The following BPTF variants were observed in gnomAD, a reference collection of about 807,000 sequenced individuals.
The protein encoded by BPTF is nucleosome-remodeling factor subunit BPTF.
BPTF carries 18 observed loss-of-function variants against 292.5 expected under a neutral mutation model. That is an observed-to-expected ratio of 0.06 (90% CI 0.04 to 0.09). The LOEUF is 0.09. Among genes scored for constraint, BPTF ranks in the 10% least tolerant of loss-of-function variants. The pLI, the probability that BPTF is intolerant of heterozygous loss-of-function variation, is 1.00. For synonymous variants in BPTF, 1,225 were observed against 1,251.9 expected, an observed-to-expected ratio of 0.98 and a Z score of 0.45; for missense variants, 2,726 against 3,498.7, an observed-to-expected ratio of 0.78 and a Z score of 5.57.
chr17:67,981,588 C>T (rs1342060275), intron 27 of BPTF: 16 of 1,044,694 alleles, frequency 1.5e-5, no homozygotes, highest in Non-Finnish European at 1.7e-5. Context: ...AAAGATGTAT[C>T]GTGGTAAAAA....
chr17:67,866,437 A>C, intron 2 of BPTF, 27 bp from the exon 3 acceptor site: 1 of 1,517,782 alleles, frequency 6.6e-7, no homozygotes, highest in Non-Finnish European at 9.1e-7. Context: ...TCTAACATAT[A>C]AAGTATTTCC....
intron 11 of BPTF, among the ~76,000 whole-genome samples, 158 bp downstream of exon 11, chr17:67,913,345 A>C (rs2062773708): frequency 4.2e-4 from 2 of 4,762 alleles, no homozygotes; most frequent in South Asian, 0.02. Flanking sequence ...AAAGCTTCAA[A>C]ATTGGCCAAC....
At position 67,940,597 on chromosome 17, in the gene BPTF, C is replaced by T. The variant is rs2065286539; in HGVS notation, c.6418C>T (p.Pro2140Ser). The change falls in exon 19 of 28, where the codon CCC becomes TCC. Residue 2140 changes from proline (P) to serine (S), a missense_variant. Around this residue, in one of 22 missense-constraint regions of BPTF, gnomAD observed 570 missense variants for 633.5 expected, o/e 0.90. Coordinates refer to ENST00000306378, the MANE Select transcript of BPTF (RefSeq NM_182641.4). ...GTCTTCAGCCTCACAACCCCCTCGCCCCCAACAAGGACAAGTGAAGCTCAC... is the reference window on the plus strand; with the variant it reads ...GTCTTCAGCCTCACAACCCCCTCGCTCCCAACAAGGACAAGTGAAGCTCAC... ...IQSSASQPPRPQQGQVKLTMA... is the reference protein window; with the variant it reads ...IQSSASQPPRSQQGQVKLTMA... 2 of 1,614,020 alleles carry T rather than the reference C, an allele frequency of 1.2e-6. No individual in the cohort carries two copies. The highest frequency in any genetic ancestry group is 2.7e-5 in the African/African-American group (2 of 74,898).
intron 1 of BPTF, among the ~76,000 whole-genome samples, chr17:67,831,017 C>G (rs1259837740): frequency 6.6e-6 from 1 of 152,328 alleles, no homozygotes; most frequent in African/African-American, 2.4e-5. Context: ...GCCTGAAGCT[C>G]TCTCTCTTTC....
intron 16 of BPTF, chr17:67,928,903 C>G (rs1598729432): frequency 8.4e-7 from 1 of 1,186,018 alleles, no homozygotes. Flanking sequence ...CTAGAAGTCA[C>G]TACGTTGCTG....
At chr17:67,948,000 T>C in intron 22 of BPTF, 81 bp from the exon 23 acceptor site, 1 of 1,414,006 alleles carries the variant, frequency 7.1e-7, no homozygotes, top group Non-Finnish European at 9.8e-7. Context: ...TTGTCTCATC[T>C]GTAGAGGCAT....
In BPTF at chr17:67,913,999, T is replaced by C. The variant is rs183419216; in HGVS notation, c.5303+812T>C. ...CCTTGCTTTCTCCTTTTTCATGTCCTTGTCTTTATCTTTTCACCCCTGTAA... is the reference window on the plus strand; with the variant it reads ...CCTTGCTTTCTCCTTTTTCATGTCCCTGTCTTTATCTTTTCACCCCTGTAA... On this transcript the variant is annotated intron_variant, in intron 11 of 27. Coordinates refer to ENST00000306378, the MANE Select transcript of BPTF (RefSeq NM_182641.4). Among the ~76,000 whole-genome samples the C allele has an allele frequency of 6.6e-5, 10 of 152,332 alleles. No homozygotes were observed. In the South Asian group the frequency reaches 1.9e-3, roughly 28 times the overall value.
chr17:67,978,373 G>A lies in BPTF; in HGVS notation c.8726+2415G>A, dbSNP rs1321051178. ...GAGTTCAGTGGCACAATCTCGGCTC[G>A]CTGCAACATCTGCCTCCTGGGTTCA... On this transcript the variant is annotated intron_variant, in intron 27 of 27. Transcript: ENST00000306378. Among the ~76,000 whole-genome samples, 8 of 149,748 alleles carry A rather than the reference G, an allele frequency of 5.3e-5. No homozygotes were observed. In the East Asian group the frequency reaches 1.4e-3, roughly 26 times the overall value.
chr17:67,929,223 A>T (rs147119383), intron 16 of BPTF, 113 bp from the exon 17 acceptor site: 2 of 1,496,206 alleles, frequency 1.3e-6, no homozygotes, highest in Admixed American at 2.3e-5. Flanking sequence ...CTCACATTCT[A>T]TGTAGCCCAC....
At position 67,949,115 on chromosome 17, in the gene BPTF, C is replaced by T. The variant is rs143493135; in HGVS notation, c.7926+809C>T. ...CTGTGGTGGTTCATGCCCATAATCC[C>T]AACACTTTGGGAAGCCAAGGTAGGC... is the stretch of plus-strand genomic sequence containing the variant. On this transcript the variant is annotated intron_variant, in intron 23 of 27. Coordinates refer to ENST00000306378, the MANE Select transcript of BPTF (RefSeq NM_182641.4). Among the ~76,000 whole-genome samples the T allele has an allele frequency of 2.2e-4, 33 of 152,272 alleles. 1 individual carries two copies. The East Asian group carries it at 5.6e-3, about 26-fold the overall frequency.
At chr17:67,879,774 G>A (rs1483352377) in intron 4 of BPTF, among the ~76,000 whole-genome samples, 3 of 152,076 alleles carry the variant, frequency 2.0e-5, no homozygotes, top group Admixed American at 2.0e-4. Context: ...GGCGGGGGTG[G>A]CAGATGACAG....
chr17:67,899,118 A>G (rs1178067248), intron 7 of BPTF, among the ~76,000 whole-genome samples: 1 of 152,150 alleles, frequency 6.6e-6, no homozygotes, highest in Non-Finnish European at 1.5e-5. Context: ...ACAGACCCAC[A>G]GGGACAAGAG....
intron 1 of BPTF, among the ~76,000 whole-genome samples, chr17:67,840,242 T>C (rs2057443706): frequency 6.6e-6 from 1 of 151,866 alleles, no homozygotes; most frequent in African/African-American, 2.4e-5. Flanking sequence ...GTAGCTGGGA[T>C]TTCAAGTGCG....
At chr17:67,857,401 C>G (rs12450072) in intron 2 of BPTF, among the ~76,000 whole-genome samples, 30,770 of 151,060 alleles carry the variant, frequency 0.2, 3,926 homozygotes, top group East Asian at 0.66. Context: ...ACCTTGTGAT[C>G]TGTCTGCCTC....
chr17:67,872,145 C>G (rs994871523), intron 3 of BPTF, among the ~76,000 whole-genome samples: 5 of 152,092 alleles, frequency 3.3e-5, no homozygotes, highest in African/African-American at 1.2e-4. Context: ...GTCTGTTTTT[C>G]TTATGGCTAT....
In BPTF at chr17:67,983,983, C is replaced by T. The variant is rs181884520; in HGVS notation, c.*1695C>T. On this transcript the variant is annotated 3_prime_UTR_variant, in exon 28 of 28. Coordinates refer to ENST00000306378, the MANE Select transcript of BPTF (RefSeq NM_182641.4). ...AAGATGTCACTTAAACTTATGCTTA[C>T]AAACTAAAGACTAATCGCTCAATAT... The T allele has an allele frequency of 9.2e-5, 14 of 152,542 alleles. No individual in the cohort carries two copies. Among genetic ancestry groups the T allele is most frequent in the Admixed American group, 7.2e-4 (11 of 15,280 alleles). The allele number at this position is 152,542 out of a possible 1,614,324, so 9.4% of individuals were successfully genotyped here. A position where few individuals can be genotyped will look rare whatever the true frequency, so the allele number is the denominator to read the frequency against.
chr17:67,922,677 C>T (rs1037866761), intron 13 of BPTF, among the ~76,000 whole-genome samples, 163 bp from the exon 14 acceptor site: 1 of 152,160 alleles, frequency 6.6e-6, no homozygotes, highest in African/African-American at 2.4e-5. Context: ...TACGTATTGT[C>T]TTTGGCTGCT....
chr17:67,875,105 A>G, intron 4 of BPTF, 85 bp downstream of exon 4: 1 of 1,166,394 alleles, frequency 8.6e-7, no homozygotes, highest in Non-Finnish European at 1.2e-6. Flanking sequence ...TGAAAGTGAA[A>G]TATTGCAAGC....
chr17:67,968,068 A>G (rs561655513), intron 26 of BPTF, among the ~76,000 whole-genome samples: 1 of 151,604 alleles, frequency 6.6e-6, no homozygotes, highest in Admixed American at 6.6e-5. Context: ...AGCCACGAGT[A>G]ATCGTATCAA....
Sources: gnomAD v4.1 joint callset for allele counts (sites outside exome capture counted in the v4.1 genomes callset) on GRCh38, gnomAD v4.1.1 for gene constraint, gnomAD v4.1.1 regional missense constraint, MANE v1.5 for transcripts, NCBI Gene and HGNC (gene_info 2026-07-23, HGNC 2026-07-21) for gene names.